The following ZBTB16 variants were observed in gnomAD, a reference collection of about 807,000 sequenced individuals.
The protein encoded by ZBTB16 is zinc finger and BTB domain containing 16, also known as zinc finger and BTB domain-containing protein 16.
Under a neutral mutation model 56.8 loss-of-function variants are expected in ZBTB16, and 8 were observed. The observed-to-expected ratio is 0.14, with a 90% CI of 0.08 to 0.25. The LOEUF is 0.25. Among genes scored for constraint, ZBTB16 ranks in the 10% least tolerant of loss-of-function variants. The probability of loss-of-function intolerance (pLI) is 1.00; values close to 1 mark genes in which losing one functional copy is unlikely to be tolerated. For synonymous variants in ZBTB16, 363 were observed against 368.5 expected (o/e 0.98, Z 0.17); for missense variants, 625 against 903.0 (o/e 0.69, Z 3.95).
chr11:114,061,320 A>G (rs1188162134), intron 1 of ZBTB16: 2 of 151,568 alleles, frequency 1.3e-5, no homozygotes, highest in African/African-American at 4.8e-5. Flanking sequence ...AGGACCCAAA[A>G]GGCTTGTTTC....
intron 2 of ZBTB16, among the ~76,000 whole-genome samples, chr11:114,118,505 A>G (rs563665693): frequency 6.6e-6 from 1 of 152,066 alleles, no homozygotes; most frequent in South Asian, 2.1e-4. Flanking sequence ...GGATTTGTTT[A>G]TTTATTTATC....
intron 4 of ZBTB16, among the ~76,000 whole-genome samples, chr11:114,224,977 G>T (rs759119610): frequency 2.6e-4 from 40 of 152,222 alleles, no homozygotes; most frequent in Non-Finnish European, 4.9e-4. Context: ...GTGAGCAATT[G>T]GGAGGTAGAG....
At chr11:114,112,392 T>C (rs1363113203) in intron 2 of ZBTB16, among the ~76,000 whole-genome samples, 3 of 152,108 alleles carry the variant, frequency 2.0e-5, no homozygotes, top group African/African-American at 4.8e-5. Context: ...TTTGGAAAAG[T>C]ATTTGGATAA....
Position 114,143,990 on chromosome 11 carries a change from C to G in ZBTB16, c.1269-12347C>G, listed in dbSNP as rs151288752. 6.6e-6 allele frequency among the ~76,000 whole-genome samples: 1 copy of G among 152,110 alleles called. No homozygotes were observed. The highest frequency in any genetic ancestry group is 1.5e-5 in the Non-Finnish European group (1 of 68,026). On this transcript the variant is annotated intron_variant, in intron 2 of 6. Transcript: ENST00000335953. This position sits in a 1 kb window ranked among gnomAD's most constrained non-coding sequence, Gnocchi z 6.4. ...TTGCGTGTAAGGAGCAAGAGGAGCA[C>G]GCAAGCTGCCTGGTGCTTTTCCCCA... is the stretch of plus-strand genomic sequence containing the variant.
chr11:114,235,611 T>C, intron 4 of ZBTB16, among the ~76,000 whole-genome samples: 1 of 152,114 alleles, frequency 6.6e-6, no homozygotes, highest in Non-Finnish European at 1.5e-5. Context: ...TCTCTCTTTC[T>C]TTCTTTCCCT....
chr11:114,141,951 A>G (rs1192727295), intron 2 of ZBTB16, among the ~76,000 whole-genome samples: 1 of 152,218 alleles, frequency 6.6e-6, no homozygotes, highest in Admixed American at 6.5e-5. Flanking sequence ...TTCATCACCA[A>G]TATCATCTAA....
rs1944906094 is a variant in ZBTB16, at chr11:114,250,862, C to A, written c.*307C>A. On this transcript the variant is annotated 3_prime_UTR_variant, in exon 7 of 7. Coordinates refer to ENST00000335953, the MANE Select transcript of ZBTB16 (RefSeq NM_006006.6). This position sits in a 1 kb window ranked among gnomAD's most constrained non-coding sequence, Gnocchi z 6.0. ...ATTTTTCTCCTTCCTTCACCCAGACCTTCTTTTATGTGTCCAGAAATGGAG... is the reference window on the plus strand; with the variant it reads ...ATTTTTCTCCTTCCTTCACCCAGACATTCTTTTATGTGTCCAGAAATGGAG... Among the ~76,000 whole-genome samples the A allele has an allele frequency of 6.6e-6, 1 of 152,092 alleles. No individual in the cohort carries two copies. Among genetic ancestry groups the A allele is most frequent in the South Asian group, 2.1e-4 (1 of 4,818 alleles).
At chr11:114,165,702 T>G (rs1181312790) in intron 3 of ZBTB16, among the ~76,000 whole-genome samples, 4 of 152,164 alleles carry the variant, frequency 2.6e-5, no homozygotes, top group Non-Finnish European at 4.4e-5. Context: ...GGCCTGAAGC[T>G]TCAGCTTTAC....
intron 2 of ZBTB16, among the ~76,000 whole-genome samples, chr11:114,079,339 C>T (rs2511234): frequency 1.3e-5 from 2 of 152,038 alleles, no homozygotes; most frequent in Non-Finnish European, 2.9e-5. Flanking sequence ...TGTTATGGCC[C>T]GGGGAGAAAC....
chr11:114,205,966 C>T (rs1943861317), intron 4 of ZBTB16, among the ~76,000 whole-genome samples: 2 of 152,238 alleles, frequency 1.3e-5, no homozygotes, highest in South Asian at 2.1e-4. Context: ...GACAAGTGGT[C>T]TAGAGGGCAA....
intron 1 of ZBTB16, among the ~76,000 whole-genome samples, chr11:114,062,532 TC>T (rs1938924764): frequency 6.6e-6 from 1 of 152,220 alleles, no homozygotes; most frequent in Admixed American, 6.5e-5. Flanking sequence ...TTGTGTGTGT[TC>T]CTGTTAGTAC....
chr11:114,130,524 G>A (rs1045905522), intron 2 of ZBTB16, among the ~76,000 whole-genome samples: 4 of 152,206 alleles, frequency 2.6e-5, no homozygotes, highest in Non-Finnish European at 4.4e-5. Context: ...GTGTGCTTGC[G>A]AGCACACGCA....
chr11:114,094,240 G>A (rs200262723), intron 2 of ZBTB16, among the ~76,000 whole-genome samples: 1 of 38,350 alleles, frequency 2.6e-5, no homozygotes, highest in African/African-American at 3.8e-5. Flanking sequence ...GCGTGAACCC[G>A]GGAGGCAGAG....
chr11:114,080,253 C>T (rs1939712344), intron 2 of ZBTB16, among the ~76,000 whole-genome samples: 2 of 152,072 alleles, frequency 1.3e-5, no homozygotes, highest in South Asian at 4.1e-4. Flanking sequence ...CCTTTCCTGA[C>T]AATGTTCCTT....
chr11:114,193,600 C>G (rs1297284683), intron 4 of ZBTB16, among the ~76,000 whole-genome samples: 2 of 152,266 alleles, frequency 1.3e-5, no homozygotes, highest in South Asian at 2.1e-4. Context: ...TGAGAGAATA[C>G]AGTCTGAAAT....
rs763630192 is a variant in ZBTB16, at chr11:114,063,206, C to T, written c.-90-5C>T. ...TTTTGCTTCTTCCCCTCTTCTTTCT[C>T]CTAGCCTCCTCTATTGGCCCAGGAA... On this transcript the variant is annotated splice_polypyrimidine_tract_variant and splice_region_variant and intron_variant, in intron 1 of 6. Transcript: ENST00000335953. This position sits in a 1 kb window ranked among gnomAD's most constrained non-coding sequence, Gnocchi z 6.5. 28 of 1,390,078 alleles carry T rather than the reference C, an allele frequency of 2.0e-5. No individual in the cohort carries two copies. The highest frequency in any genetic ancestry group is 7.1e-5 in the African/African-American group (5 of 70,238). The allele number at this position is 1,390,078 out of a possible 1,614,324, so 86.1% of individuals were successfully genotyped here.
At chr11:114,199,330 G>A (rs1398240773) in intron 4 of ZBTB16, among the ~76,000 whole-genome samples, 2 of 151,798 alleles carry the variant, frequency 1.3e-5, no homozygotes, top group African/African-American at 2.4e-5. Context: ...TGGGGATGCC[G>A]GACATGGATG....
chr11:114,168,540 C>T lies in ZBTB16; in HGVS notation c.1366+12106C>T, dbSNP rs1335407179. Among the ~76,000 whole-genome samples, 4 of 152,296 alleles carry T rather than the reference C, an allele frequency of 2.6e-5. No homozygotes were observed. The East Asian group carries it at 7.7e-4, about 29-fold the overall frequency. ...CTTTGGAAGACAGATATGCTGATTCCGTTTTGCAGATGAGGACAGTAAAGA... is the reference window on the plus strand; with the variant it reads ...CTTTGGAAGACAGATATGCTGATTCTGTTTTGCAGATGAGGACAGTAAAGA... On this transcript the variant is annotated intron_variant, in intron 3 of 6. Coordinates refer to ENST00000335953, the MANE Select transcript of ZBTB16 (RefSeq NM_006006.6).
chr11:114,086,928 A>G (rs1401169414), intron 2 of ZBTB16, among the ~76,000 whole-genome samples: 1 of 152,182 alleles, frequency 6.6e-6, no homozygotes, highest in Admixed American at 6.5e-5. Context: ...CCCAGACTCC[A>G]GTATTGGCTC....
Sources: gnomAD v4.1 joint callset for allele counts (sites outside exome capture counted in the v4.1 genomes callset) on GRCh38, gnomAD v4.1.1 for gene constraint, Gnocchi (gnomAD v3.1) non-coding constraint, MANE v1.5 for transcripts, NCBI Gene and HGNC (gene_info 2026-07-23, HGNC 2026-07-21) for gene names.